Variants in DLG2 observed in about 807,000 individuals in gnomAD.
DLG2 encodes the protein discs large MAGUK scaffold protein 2, also known as disks large homolog 2.
In DLG2, 45 loss-of-function variants were observed where a neutral mutation model predicts 132.5. The ratio of observed to expected loss-of-function variants is 0.34; its 90% CI spans 0.27 to 0.44. The LOEUF is 0.44. Ranked by LOEUF, DLG2 falls within the 20% of genes least tolerant of loss-of-function variation. The pLI is 1.00. For synonymous variants in DLG2, 424 were observed against 419.6 expected (o/e 1.01, Z -0.13); for missense variants, 1,045 against 1,196.9 (o/e 0.87, Z 1.87).
At chr11:84,778,828 A>G (rs2071165250) in intron 6 of DLG2, among the ~76,000 whole-genome samples, 1 of 152,156 alleles carries the variant, frequency 6.6e-6, no homozygotes, top group Non-Finnish European at 1.5e-5. Context: ...GCACCATCCA[A>G]TCAACTATCA....
intron 6 of DLG2, among the ~76,000 whole-genome samples, chr11:84,580,668 T>C (rs1462099452): frequency 6.6e-6 from 1 of 152,192 alleles, no homozygotes; most frequent in African/African-American, 2.4e-5. Flanking sequence ...AGAATCCCCA[T>C]TGAAACACTA....
At chr11:83,512,874 T>C (rs2095108570) in intron 21 of DLG2, among the ~76,000 whole-genome samples, 1 of 152,218 alleles carries the variant, frequency 6.6e-6, no homozygotes, top group Admixed American at 6.5e-5. Flanking sequence ...ATCATTTTTA[T>C]GGCTGCATAG....
intron 6 of DLG2, among the ~76,000 whole-genome samples, chr11:85,019,277 T>C (rs1416374152): frequency 1.3e-5 from 2 of 152,000 alleles, no homozygotes; most frequent in Non-Finnish European, 2.9e-5. Context: ...ACTAGGAGTG[T>C]CAAAGGAAGT....
chr11:85,549,290 T>G (rs1228015709), intron 3 of DLG2, among the ~76,000 whole-genome samples: 4 of 152,056 alleles, frequency 2.6e-5, no homozygotes, highest in Non-Finnish European at 5.9e-5. Flanking sequence ...CTGCTTCCAC[T>G]CGCCCTCCTT....
chr11:84,663,376 T>C lies in DLG2; in HGVS notation c.358-128645A>G, dbSNP rs575963548. ...AAGGCTGGATCAAAGATTGCTGTCC[T>C]GGGCTCCAAGAGTGAACTCTGGTGG... On this transcript the variant is annotated intron_variant, in intron 6 of 27. Transcript: ENST00000376104. Among the ~76,000 whole-genome samples the C allele has an allele frequency of 3.3e-5, 5 of 152,222 alleles. 1 individual carries two copies. The South Asian group carries it at 6.2e-4, about 19-fold the overall frequency.
chr11:85,188,220 G>A (rs1314748586), intron 4 of DLG2, among the ~76,000 whole-genome samples: 1 of 152,182 alleles, frequency 6.6e-6, no homozygotes, highest in African/African-American at 2.4e-5. Flanking sequence ...AGATATTTAG[G>A]CACAAACTCT....
chr11:85,431,181 G>A (rs1252453682), intron 3 of DLG2, among the ~76,000 whole-genome samples: 3 of 152,056 alleles, frequency 2.0e-5, no homozygotes, highest in Admixed American at 6.6e-5. Context: ...GTTTCAAAAC[G>A]GCATGTGAAT....
chr11:84,230,608 C>T (rs906186333), intron 8 of DLG2, among the ~76,000 whole-genome samples: 1 of 151,860 alleles, frequency 6.6e-6, no homozygotes, highest in African/African-American at 2.4e-5. Flanking sequence ...TTATGGTCTA[C>T]TTAGGGGAAA....
chr11:83,470,757 C>T (rs1322388483), intron 24 of DLG2, among the ~76,000 whole-genome samples: 1 of 152,134 alleles, frequency 6.6e-6, no homozygotes, highest in Non-Finnish European at 1.5e-5. Context: ...TCCTGCTATT[C>T]TTAAGTATCT....
intron 6 of DLG2, among the ~76,000 whole-genome samples, chr11:84,920,954 G>C (rs555497505): frequency 1.3e-4 from 20 of 152,004 alleles, no homozygotes; most frequent in Non-Finnish European, 2.6e-4. Context: ...TAAAGTTTTG[G>C]ATAACTGTAA....
At chr11:85,598,275 T>A (rs2079917803) in intron 3 of DLG2, among the ~76,000 whole-genome samples, 1 of 152,062 alleles carries the variant, frequency 6.6e-6, no homozygotes, top group African/African-American at 2.4e-5. Flanking sequence ...ATGTGAACCA[T>A]CATTTTTATG....
At chr11:85,297,623 T>TCCTTTC (rs915905817) in intron 3 of DLG2, among the ~76,000 whole-genome samples, 37 of 152,320 alleles carry the variant, frequency 2.4e-4, no homozygotes, top group African/African-American at 4.8e-4. Flanking sequence ...TTCATTCTTT[T>TCCTTTC]CCTTTCCCTT....
At chr11:84,772,201 G>T (rs559639929) in intron 6 of DLG2, among the ~76,000 whole-genome samples, 1 of 151,926 alleles carries the variant, frequency 6.6e-6, no homozygotes, top group African/African-American at 2.4e-5. Flanking sequence ...AATGATAAAG[G>T]TTCAATTCAA....
chr11:83,827,608 T>C (rs931273339), intron 17 of DLG2, among the ~76,000 whole-genome samples: 9 of 152,174 alleles, frequency 5.9e-5, no homozygotes, highest in Non-Finnish European at 1.0e-4. Context: ...GAATGAGCTT[T>C]GGAGTTAGCA....
At chr11:84,250,826 A>C (rs1209792471) in intron 8 of DLG2, among the ~76,000 whole-genome samples, 2 of 152,192 alleles carry the variant, frequency 1.3e-5, no homozygotes, top group African/African-American at 4.8e-5. Context: ...TTCTTATTAG[A>C]AGCCCAATAA....
At chr11:84,969,450 T>C (rs1004211799) in intron 6 of DLG2, among the ~76,000 whole-genome samples, 7 of 152,198 alleles carry the variant, frequency 4.6e-5, no homozygotes, top group Non-Finnish European at 7.3e-5. Flanking sequence ...ATATGAGGAA[T>C]GCATTATAAG....
At chr11:84,391,977 T>C (rs888332453) in intron 7 of DLG2, among the ~76,000 whole-genome samples, 3 of 152,184 alleles carry the variant, frequency 2.0e-5, no homozygotes, top group Non-Finnish European at 4.4e-5. Flanking sequence ...GCTTCACTTA[T>C]CCAGTCATCC....
At chr11:85,110,120 T>C (rs1434422709) in intron 6 of DLG2, among the ~76,000 whole-genome samples, 1 of 152,064 alleles carries the variant, frequency 6.6e-6, no homozygotes, top group Non-Finnish European at 1.5e-5. Flanking sequence ...TCAGTAGTTA[T>C]GAAATGATAC....
chr11:84,635,575 T>C (rs2099639247), intron 6 of DLG2, among the ~76,000 whole-genome samples: 1 of 152,146 alleles, frequency 6.6e-6, no homozygotes, highest in South Asian at 2.1e-4. Context: ...ATATTTTCTT[T>C]CCATTCAGCT....
Sources: gnomAD v4.1 joint callset for allele counts (sites outside exome capture counted in the v4.1 genomes callset) on GRCh38, gnomAD v4.1.1 for gene constraint, MANE v1.5 for transcripts, NCBI Gene and HGNC (gene_info 2026-07-23, HGNC 2026-07-21) for gene names.